The following CFAP251 variants were observed in gnomAD, a reference collection of about 807,000 sequenced individuals.
The protein encoded by CFAP251 is cilia- and flagella-associated protein 251.
In CFAP251, 93 loss-of-function variants were observed where a neutral mutation model predicts 126.7. The observed-to-expected ratio is 0.73, with a 90% CI of 0.62 to 0.87. The LOEUF is 0.87. Among genes scored for constraint, CFAP251 ranks in the 40% least tolerant of loss-of-function variants. The probability of loss-of-function intolerance (pLI) is 0.00; values close to 1 mark genes in which losing one functional copy is unlikely to be tolerated. For missense variants in CFAP251, 1,287 were observed against 1,389.2 expected, an observed-to-expected ratio of 0.93 and a Z score of 1.17; for synonymous variants, 503 against 506.9, an observed-to-expected ratio of 0.99 and a Z score of 0.10.
chr12:121,930,835 G>A (rs576250290), intron 3 of CFAP251, among the ~76,000 whole-genome samples: 1 of 146,544 alleles, frequency 6.8e-6, no homozygotes, highest in Non-Finnish European at 1.5e-5. Context: ...TGCAACCTCC[G>A]CCTCCCAGGT....
intron 2 of CFAP251, 86 bp downstream of exon 2, chr12:121,921,769 A>T (rs1880189097): frequency 7.3e-7 from 1 of 1,367,158 alleles, no homozygotes; most frequent in Non-Finnish European, 9.9e-7. Flanking sequence ...GGAACACAAA[A>T]CCAAATAAGG....
Position 121,999,827 on chromosome 12 carries a change from C to A in CFAP251, c.3118C>A (p.Pro1040Thr), listed in dbSNP as rs1411622949. ...FLKVYLNHKPPFGNTMSGIHK... is the reference protein window; with the variant it reads ...FLKVYLNHKPTFGNTMSGIHK... ...AAAAGTGTACCTTAACCACAAGCCA[C>A]CTTTTGGTAACACCATGAGTGGCAT... The change falls in exon 20 of 22, where the codon CCT (proline) becomes ACT (threonine). Residue 1040 changes from proline to threonine, a missense_variant. Transcript: ENST00000288912. 6.2e-7 allele frequency: 1 copy of A among 1,614,170 alleles called. No homozygotes were observed. Among genetic ancestry groups the A allele is most frequent in the Middle Eastern group, 1.6e-4 (1 of 6,062 alleles).
intron 3 of CFAP251, among the ~76,000 whole-genome samples, chr12:121,931,497 G>C (rs1429603057): frequency 6.6e-6 from 1 of 152,094 alleles, no homozygotes; most frequent in African/African-American, 2.4e-5. Flanking sequence ...ATTTCTAATA[G>C]AGACAGGATT....
At chr12:121,956,743 G>T (rs147833355) in intron 10 of CFAP251, among the ~76,000 whole-genome samples, 97 of 152,158 alleles carry the variant, frequency 6.4e-4, no homozygotes, top group African/African-American at 2.2e-3. Flanking sequence ...TGATCCACCC[G>T]ACTTGGCCTC....
chr12:121,968,802 G>T, intron 17 of CFAP251: 2 of 683,254 alleles, frequency 2.9e-6, no homozygotes, highest in Non-Finnish European at 3.6e-6. Flanking sequence ...TAAAGATCAG[G>T]TAGTTTAATA....
chr12:121,939,955 GT>G (rs1356571555), intron 5 of CFAP251, among the ~76,000 whole-genome samples: 1 of 152,062 alleles, frequency 6.6e-6, no homozygotes, highest in African/African-American at 2.4e-5. Flanking sequence ...GTTTCTTTAC[GT>G]TTTTTAGTAG....
Position 121,931,792 on chromosome 12 carries a change from A to G in CFAP251, c.794A>G (p.Tyr265Cys), listed in dbSNP as rs776658164. The change falls in exon 4 of 22, where the codon TAT (tyrosine) becomes TGT (cysteine). Residue 265 changes from tyrosine to cysteine, a missense_variant. By Grantham distance (194) the Tyr-to-Cys change is radical. Coordinates refer to ENST00000288912, the MANE Select transcript of CFAP251 (RefSeq NM_144668.6). Reference protein sequence around the residue: ...FGWNSSLPVYYIREERQRVLL... With the variant: ...FGWNSSLPVYCIREERQRVLL... ...TGGAACAGTTCTCTTCCTGTTTACT[A>G]TATTCGAGAGGAAAGGCAGAGAGTT... 8 of 1,603,908 alleles carry G rather than the reference A, an allele frequency of 5.0e-6. No homozygotes were observed. Among genetic ancestry groups the G allele is most frequent in the Middle Eastern group, 1.7e-4 (1 of 6,058 alleles).
chr12:121,993,726 C>T (rs1882939688), intron 19 of CFAP251, among the ~76,000 whole-genome samples: 1 of 150,476 alleles, frequency 6.6e-6, no homozygotes, highest in Admixed American at 6.6e-5. Flanking sequence ...AGACCCTCTG[C>T]CTGGCAACCA....
intron 20 of CFAP251, among the ~76,000 whole-genome samples, chr12:122,000,569 AAAAAG>A (rs916847749): frequency 4.0e-5 from 6 of 151,804 alleles, no homozygotes; most frequent in South Asian, 2.1e-4. Flanking sequence ...AAAGAAAGAA[AAAAAG>A]AAAAGAAAAG....
intron 4 of CFAP251, 108 bp downstream of exon 4, chr12:121,931,994 C>T: frequency 5.2e-6 from 6 of 1,151,576 alleles, no homozygotes; most frequent in Non-Finnish European, 6.9e-6. Flanking sequence ...GTCGTATTTT[C>T]CCACTCTCCT....
intron 3 of CFAP251, among the ~76,000 whole-genome samples, chr12:121,926,463 A>G (rs1183313286): frequency 6.6e-6 from 1 of 152,050 alleles, no homozygotes; most frequent in East Asian, 1.9e-4. Flanking sequence ...AGTATCTGGG[A>G]CTACAGGTGT....
At chr12:121,984,012 A>G (rs895264305) in intron 19 of CFAP251, among the ~76,000 whole-genome samples, 3 of 152,204 alleles carry the variant, frequency 2.0e-5, no homozygotes, top group Non-Finnish European at 4.4e-5. Context: ...TGCATGGAGT[A>G]TACGCCTCAC....
intron 2 of CFAP251, among the ~76,000 whole-genome samples, chr12:121,923,102 T>C (rs577645214): frequency 6.6e-6 from 1 of 151,766 alleles, no homozygotes; most frequent in South Asian, 2.1e-4. Flanking sequence ...GCTCTTTTCT[T>C]ATCTTTTCCT....
rs936463516 is a variant in CFAP251 at position 121,989,675 on chromosome 12, T to C, written c.3007-10041T>C. 6.6e-6 allele frequency among the ~76,000 whole-genome samples: 1 copy of C among 152,068 alleles called. No individual in the cohort carries two copies. Among genetic ancestry groups the C allele is most frequent in the African/African-American group, 2.4e-5 (1 of 41,422 alleles). On this transcript the variant is annotated intron_variant, in intron 19 of 21. Coordinates refer to ENST00000288912, the MANE Select transcript of CFAP251 (RefSeq NM_144668.6). The surrounding 1 kb of genome is among the most constrained non-coding windows in gnomAD (Gnocchi z 4.2). Reference sequence around the variant, plus strand: ...GGAACAAGACACTGTGCCCCATTAGTTGAGAATGTTCTAGAGGGTATTGTG... The same window carrying C: ...GGAACAAGACACTGTGCCCCATTAGCTGAGAATGTTCTAGAGGGTATTGTG...
In CFAP251 at chr12:121,975,545, C is replaced by G; in HGVS notation, c.2866C>G (p.Leu956Val). 6.2e-7 allele frequency: 1 copy of G among 1,608,616 alleles called. No individual in the cohort carries two copies. The highest frequency in any genetic ancestry group is 8.5e-7 in the Non-Finnish European group (1 of 1,178,658). Residue 956 changes from leucine to valine, a missense_variant, in exon 19 of 22, where the codon CTA becomes GTA. Physicochemically the swap from Leu to Val is conservative, Grantham distance 32. Transcript: ENST00000288912. ...TTTCCGTTGTATTCCTACATAGGAG[C>G]TAGAAGACTACTTCTACTATTCTCA... ...GGREGKFYRE[L>V]EDYFYYSQLR...
At chr12:121,990,849 T>C (rs1279023789) in intron 19 of CFAP251, among the ~76,000 whole-genome samples, 1 of 152,252 alleles carries the variant, frequency 6.6e-6, no homozygotes, top group African/African-American at 2.4e-5. Context: ...ACCTTGGCGA[T>C]GGAGCCTGTT....
chr12:121,924,123 T>C, intron 3 of CFAP251, 133 bp downstream of exon 3: 1 of 1,205,662 alleles, frequency 8.3e-7, no homozygotes, highest in Non-Finnish European at 1.1e-6. Context: ...CTTGTGTTTT[T>C]TTTTTTAAGA....
intron 18 of CFAP251, 55 bp downstream of exon 18, chr12:121,975,389 C>T (rs1882432472): frequency 1.3e-6 from 2 of 1,579,060 alleles, no homozygotes; most frequent in East Asian, 2.2e-5. Context: ...GTTTGTAAAG[C>T]AAATGTGCCC....
At chr12:121,987,822 G>A (rs1226923502) in intron 19 of CFAP251, among the ~76,000 whole-genome samples, 3 of 151,994 alleles carry the variant, frequency 2.0e-5, no homozygotes, top group Non-Finnish European at 4.4e-5. Flanking sequence ...TAGCTACCGA[G>A]GGCACAGCCA....
Sources: allele counts gnomAD v4.1 joint callset (sites outside exome capture counted in the v4.1 genomes callset), GRCh38; gene constraint gnomAD v4.1.1; non-coding constraint Gnocchi (gnomAD v3.1); transcripts MANE v1.5; gene names NCBI Gene and HGNC (gene_info 2026-07-23, HGNC 2026-07-21).